OR2A5: variants seen among roughly 807,000 people sequenced by gnomAD.
The protein encoded by OR2A5 is olfactory receptor family 2 subfamily A member 5.
OR2A5 carries 2 observed loss-of-function variants against 1.9 expected under a neutral mutation model. The observed-to-expected ratio is 1.04, with a 90% CI of 0.43 to 3.28. OR2A5 has a LOEUF of 3.28. Ranked by LOEUF, OR2A5 falls within the 30% of genes most tolerant of loss-of-function variation. The pLI is 0.08. For missense variants in OR2A5, 391 were observed against 375.9 expected (o/e 1.04, Z -0.33); for synonymous variants, 160 against 154.5 (o/e 1.04, Z -0.26).
chr7:144,053,449 C>A lies in OR2A5; in HGVS notation c.*2112C>A, dbSNP rs945538399. 6.6e-6 allele frequency: 1 copy of A among 152,194 alleles called. No homozygotes were observed. The highest frequency in any genetic ancestry group is 2.4e-5 in the African/African-American group (1 of 41,444). The allele number at this position is 152,194 out of a possible 1,614,324, so 9.4% of individuals were successfully genotyped here. On this transcript the variant is annotated 3_prime_UTR_variant, in exon 2 of 2. Transcript: ENST00000641693. The stretch of plus-strand genomic sequence containing the variant: ...ATTGCATTGTTTTAGGCTGCAAGTT[C>A]TACTGACTGCTTCACAAATGTTACC...
chr7:144,054,573 T>C lies in OR2A5; in HGVS notation c.*3236T>C, dbSNP rs2050926204. 6.6e-6 allele frequency: 1 copy of C among 152,176 alleles called. No individual in the cohort carries two copies. The highest frequency in any genetic ancestry group is 2.4e-5 in the African/African-American group (1 of 41,444). The allele number at this position is 152,176 out of a possible 1,614,324, so 9.4% of individuals were successfully genotyped here. ...TTGCAACTTTCTGTGCCTGTCTTTGTTTTTATTTGGTTGGTGATATTGGGG... is the reference window on the plus strand; with the variant it reads ...TTGCAACTTTCTGTGCCTGTCTTTGCTTTTATTTGGTTGGTGATATTGGGG... On this transcript the variant is annotated 3_prime_UTR_variant, in exon 2 of 2. Coordinates refer to ENST00000641693, the MANE Select transcript of OR2A5 (RefSeq NM_012365.2).
rs1207585579 is a variant in OR2A5, at chr7:144,053,010, A to T, written c.*1673A>T. On this transcript the variant is annotated 3_prime_UTR_variant, in exon 2 of 2. Transcript: ENST00000641693. ...TTAAAAGAAAAGGGAAAGAGGAAAC[A>T]TATAGAATAGTTCATCTCATATAAA... The T allele has an allele frequency of 6.6e-6, 1 of 152,126 alleles. No individual in the cohort carries two copies. The highest frequency in any genetic ancestry group is 1.5e-5 in the Non-Finnish European group (1 of 68,014). 9.4% of individuals were successfully genotyped at this position (152,126 alleles called of 1,614,324 possible).
In OR2A5 at chr7:144,057,550, C is replaced by T. The variant is rs1355104538; in HGVS notation, c.*6213C>T. On this transcript the variant is annotated 3_prime_UTR_variant, in exon 2 of 2. Transcript: ENST00000641693. ...AATAACAAATAATAGTGGACTTCCC[C>T]TCAGCAAAACAGATGCCAAAAGAGA... The T allele has an allele frequency of 6.6e-6, 1 of 152,056 alleles. No individual in the cohort carries two copies. The highest frequency in any genetic ancestry group is 1.5e-5 in the Non-Finnish European group (1 of 68,000). 9.4% of individuals were successfully genotyped at this position (152,056 alleles called of 1,614,324 possible). A position where few individuals can be genotyped will look rare whatever the true frequency, so the allele number is the denominator to read the frequency against.
chr7:144,050,710 A>G lies in OR2A5; in HGVS notation c.309A>G (p.Leu103=), dbSNP rs1402933533. 1.2e-6 allele frequency: 2 copies of G among 1,613,994 alleles called. No homozygotes were observed. The highest frequency in any genetic ancestry group is 1.6e-4 in the Middle Eastern group (1 of 6,084). ...TCCCATGCACAATGCAGACCTTTTT[A>G]TACATGGCTTTTGCTCACACTGAGT... ...SFVPCTMQTF[L]YMAFAHTECL... is the part of the protein sequence containing the mutation. Residue 103 remains leucine (L), a synonymous_variant, in exon 2 of 2, where the codon TTA becomes TTG. Transcript: ENST00000641693.
At position 144,054,906 on chromosome 7, in the gene OR2A5, C is replaced by A. The variant is rs974498075; in HGVS notation, c.*3569C>A. On this transcript the variant is annotated 3_prime_UTR_variant, in exon 2 of 2. Transcript: ENST00000641693. ...CTCTGTATGTAGAGATAGAAACTCA[C>A]CCTGGTGACACCTTGTTAGTTGGCT... is the stretch of plus-strand genomic sequence containing the variant. 1.3e-5 allele frequency: 2 copies of A among 152,150 alleles called. No homozygotes were observed. Among genetic ancestry groups the A allele is most frequent in the Non-Finnish European group, 1.5e-5 (1 of 68,038 alleles). The allele number at this position is 152,150 out of a possible 1,614,324, so 9.4% of individuals were successfully genotyped here.
At position 144,058,109 on chromosome 7, in the gene OR2A5, C is replaced by A. The variant is rs1468263413; in HGVS notation, c.*6772C>A. On this transcript the variant is annotated 3_prime_UTR_variant, in exon 2 of 2. Coordinates refer to ENST00000641693, the MANE Select transcript of OR2A5 (RefSeq NM_012365.2). The stretch of plus-strand genomic sequence containing the variant: ...CTCCTCAGTGGCTTCACCAGCCTTT[C>A]AGCCAGATACAAGGCTGTTGTCCTA... 6.6e-6 allele frequency: 1 copy of A among 152,246 alleles called. No individual in the cohort carries two copies. The highest frequency in any genetic ancestry group is 1.9e-4 in the East Asian group (1 of 5,196). The allele number at this position is 152,246 out of a possible 1,614,324, so 9.4% of individuals were successfully genotyped here. A position where few individuals can be genotyped will look rare whatever the true frequency, so the allele number is the denominator to read the frequency against.
rs762929377 is a variant in OR2A5 at position 144,051,013 on chromosome 7, G to T, written c.612G>T (p.Val204=). The T allele has an allele frequency of 1.2e-6, 2 of 1,614,218 alleles. No homozygotes were observed. The highest frequency in any genetic ancestry group is 3.3e-5 in the Admixed American group (2 of 60,034). Residue 204 remains valine (V), a synonymous_variant, in exon 2 of 2, where the codon GTG becomes GTT. Coordinates refer to ENST00000641693, the MANE Select transcript of OR2A5 (RefSeq NM_012365.2). ...LNQVVIFAAS[V]FILVGPLCLV... ...AGGTGGTCATCTTTGCTGCTTCAGT[G>T]TTCATCCTGGTGGGGCCGCTCTGCC...
chr7:144,050,958 A>G lies in OR2A5; in HGVS notation c.557A>G (p.Lys186Arg), dbSNP rs1171910466. ...TTCTGTGAAATCCTGTCTGTCCTCA[A>G]GTTGGCCTGTGCTGACACCTGGCTC... ...HFFCEILSVL[K>R]LACADTWLNQ... is the part of the protein sequence containing the mutation. Residue 186 changes from lysine (K) to arginine (R), a missense_variant, in exon 2 of 2, where the codon AAG becomes AGG. Coordinates refer to ENST00000641693, the MANE Select transcript of OR2A5 (RefSeq NM_012365.2). 2 of 1,614,012 alleles carry G rather than the reference A, an allele frequency of 1.2e-6. No homozygotes were observed. The highest frequency in any genetic ancestry group is 1.7e-6 in the Non-Finnish European group (2 of 1,180,032).
Position 144,054,860 on chromosome 7 carries a change from G to A in OR2A5, c.*3523G>A, listed in dbSNP as rs990728012. The A allele has an allele frequency of 6.6e-6, 1 of 152,138 alleles. No homozygotes were observed. The highest frequency in any genetic ancestry group is 2.4e-5 in the African/African-American group (1 of 41,422). The allele number at this position is 152,138 out of a possible 1,614,324, so 9.4% of individuals were successfully genotyped here. On this transcript the variant is annotated 3_prime_UTR_variant, in exon 2 of 2. Transcript: ENST00000641693. ...TCTCATCAACTGTGTATCTAGAATA[G>A]CTCCTCTAGGAAATCTCAGTCTCTG...
At position 144,055,579 on chromosome 7, in the gene OR2A5, A is replaced by G. The variant is rs1452694191; in HGVS notation, c.*4242A>G. The G allele has an allele frequency of 6.6e-6, 1 of 152,220 alleles. No individual in the cohort carries two copies. Among genetic ancestry groups the G allele is most frequent in the Non-Finnish European group, 1.5e-5 (1 of 68,034 alleles). 9.4% of individuals were successfully genotyped at this position (152,220 alleles called of 1,614,324 possible). ...CTTCCGAGGATTCAGCAGAGTCATC[A>G]AAAGAAAATATTCAAGTAGGAAAAA... is the stretch of plus-strand genomic sequence containing the variant. On this transcript the variant is annotated 3_prime_UTR_variant, in exon 2 of 2. Transcript: ENST00000641693.
intron 1 of OR2A5, 100 bp from the exon 2 acceptor site, chr7:144,050,251 T>C: frequency 1.8e-6 from 1 of 543,530 alleles, no homozygotes; most frequent in South Asian, 3.5e-5. Context: ...TTTGGCATAA[T>C]GGCTCCGAAA....
At chr7:144,049,798 C>A (rs1381770951) in intron 1 of OR2A5, among the ~76,000 whole-genome samples, 1 of 152,204 alleles carries the variant, frequency 6.6e-6, no homozygotes, top group Non-Finnish European at 1.5e-5. Context: ...TTAATGCAAG[C>A]TTTATTTTCC....
At position 144,053,816 on chromosome 7, in the gene OR2A5, T is replaced by C. The variant is rs1350449569; in HGVS notation, c.*2479T>C. 1.3e-5 allele frequency: 2 copies of C among 152,216 alleles called. No individual in the cohort carries two copies. The highest frequency in any genetic ancestry group is 2.9e-5 in the Non-Finnish European group (2 of 68,066). The allele number at this position is 152,216 out of a possible 1,614,324, so 9.4% of individuals were successfully genotyped here. ...ATCTTTGGAGGATTCATTACCACCT[T>C]TGGGAAGAGTAGAAACACTCACATT... is the stretch of plus-strand genomic sequence containing the variant. On this transcript the variant is annotated 3_prime_UTR_variant, in exon 2 of 2. Coordinates refer to ENST00000641693, the MANE Select transcript of OR2A5 (RefSeq NM_012365.2).
chr7:144,051,299 G>T lies in OR2A5; in HGVS notation c.898G>T (p.Ala300Ser), dbSNP rs1419934479. 6.2e-7 allele frequency: 1 copy of T among 1,612,122 alleles called. No homozygotes were observed. The change falls in exon 2 of 2, where the codon GCC becomes TCC. Residue 300 changes from alanine to serine, a missense_variant. By Grantham distance (99) the Ala-to-Ser change is moderately conservative. Transcript: ENST00000641693. The stretch of plus-strand genomic sequence containing the variant: ...CCTGAGGAACGCAGAGGTCAAGGGT[G>T]CCCTGAAAAGAGTGTTGTGGAAACA... ...YSLRNAEVKGALKRVLWKQRS... is the reference protein window; with the variant it reads ...YSLRNAEVKGSLKRVLWKQRS...
Position 144,051,484 on chromosome 7 carries a change from A to G in OR2A5, c.*147A>G, listed in dbSNP as rs1001506716. 3 of 689,558 alleles carry G rather than the reference A, an allele frequency of 4.4e-6. No individual in the cohort carries two copies. Among genetic ancestry groups the G allele is most frequent in the Admixed American group, 2.9e-5 (1 of 34,088 alleles). 42.7% of individuals were successfully genotyped at this position (689,558 alleles called of 1,614,324 possible). A position where few individuals can be genotyped will look rare whatever the true frequency, so the allele number is the denominator to read the frequency against. On this transcript the variant is annotated 3_prime_UTR_variant, in exon 2 of 2. Coordinates refer to ENST00000641693, the MANE Select transcript of OR2A5 (RefSeq NM_012365.2). ...TGGATTCTATCCCTAAACGTGGAGT[A>G]CCATGCAGATCACAAAGCACATGCA...
intron 1 of OR2A5, among the ~76,000 whole-genome samples, chr7:144,049,734 G>T (rs2050887142): frequency 6.6e-6 from 1 of 152,204 alleles, no homozygotes; most frequent in Admixed American, 6.5e-5. Flanking sequence ...TTCTTGGCTT[G>T]CATGCAAAGG....
Position 144,050,616 on chromosome 7 carries a change from A to G in OR2A5, c.215A>G (p.Tyr72Cys). ...LSHLAIIDIS[Y>C]ASNNVPKMLT... ...CACCTGGCCATCATTGATATTTCGT[A>G]TGCTTCCAACAATGTCCCCAAGATG... The change falls in exon 2 of 2, where the codon TAT becomes TGT. Residue 72 changes from tyrosine to cysteine, a missense_variant. Tyr to Cys is a radical substitution (Grantham distance 194). Transcript: ENST00000641693. The G allele has an allele frequency of 6.2e-7, 1 of 1,612,972 alleles. No homozygotes were observed. The highest frequency in any genetic ancestry group is 8.5e-7 in the Non-Finnish European group (1 of 1,179,450).
chr7:144,049,546 G>A (rs2050886001), intron 1 of OR2A5, among the ~76,000 whole-genome samples: 1 of 152,170 alleles, frequency 6.6e-6, no homozygotes, highest in Admixed American at 6.5e-5. Context: ...CAAGTGTAGT[G>A]GGCATTGTGC....
rs1256516021 is a variant in OR2A5, at chr7:144,053,973, C to T, written c.*2636C>T. On this transcript the variant is annotated 3_prime_UTR_variant, in exon 2 of 2. Transcript: ENST00000641693. The stretch of plus-strand genomic sequence containing the variant: ...CCTGCTGTTCTCAGTGATCATCTTA[C>T]CTATGATTCTGGTCTTCTTTCTATC... The T allele has an allele frequency of 6.6e-6, 1 of 152,204 alleles. No homozygotes were observed. The highest frequency in any genetic ancestry group is 1.5e-5 in the Non-Finnish European group (1 of 68,046). The allele number at this position is 152,204 out of a possible 1,614,324, so 9.4% of individuals were successfully genotyped here.
Sources: gnomAD v4.1 joint callset for allele counts (sites outside exome capture counted in the v4.1 genomes callset) on GRCh38, gnomAD v4.1.1 for gene constraint, MANE v1.5 for transcripts, NCBI Gene and HGNC (gene_info 2026-07-23, HGNC 2026-07-21) for gene names.